The following COL5A3 variants were observed in gnomAD, a reference collection of about 807,000 sequenced individuals.
COL5A3 encodes the protein collagen type V alpha 3 chain.
Under a neutral mutation model 250.0 loss-of-function variants are expected in COL5A3, and 172 were observed. That is an observed-to-expected ratio of 0.69 (90% CI 0.61 to 0.78). COL5A3 has a LOEUF of 0.78. COL5A3 is among the 30% of genes least tolerant of loss of function. The pLI, the probability that COL5A3 is intolerant of heterozygous loss-of-function variation, is 0.00. For synonymous variants in COL5A3, 937 were observed against 900.4 expected (o/e 1.04, Z -0.73); for missense variants, 2,340 against 2,334.4 (o/e 1.00, Z -0.05).
intron 21 of COL5A3, 41 bp downstream of exon 21, chr19:9,992,786 C>CA (rs1599218408): frequency 6.2e-7 from 1 of 1,605,482 alleles, no homozygotes; most frequent in East Asian, 2.2e-5. Flanking sequence ...TCAAAACAAA[C>CA]AAAAAGACAG....
chr19:10,005,907 A>G lies in COL5A3; in HGVS notation c.326T>C (p.Ile109Thr), dbSNP rs2087435854. Residue 109 changes from isoleucine to threonine, a missense_variant, in exon 3 of 67, where the codon ATT becomes ACT. By Grantham distance (89) the Ile-to-Thr change is moderately conservative. Transcript: ENST00000264828. Reference sequence around the variant, plus strand: ...CTGCCGGGCACCCCTTTCATCATAAATGGACAGCAGGACAGACTGATTGGC... The same window carrying G: ...CTGCCGGGCACCCCTTTCATCATAAGTGGACAGCAGGACAGACTGATTGGC... The part of the protein sequence containing the change: ...QPANQSVLLS[I>T]YDERGARQLG... 1 of 1,614,056 alleles carries G rather than the reference A, an allele frequency of 6.2e-7. No individual in the cohort carries two copies. The highest frequency in any genetic ancestry group is 2.2e-5 in the East Asian group (1 of 44,878).
chr19:9,967,495 TCACACA>T, intron 61 of COL5A3, 95 bp from the exon 62 acceptor site: 2 of 773,616 alleles, frequency 2.6e-6, no homozygotes, highest in South Asian at 1.9e-5. Context: ...ACACACACAC[TCACACA>T]CACACAGTCT....
chr19:9,969,502 T>A, intron 56 of COL5A3, 73 bp downstream of exon 56: 1 of 1,593,860 alleles, frequency 6.3e-7, no homozygotes, highest in Non-Finnish European at 8.6e-7. Context: ...CAAACGGTGA[T>A]GGGATCACAA....
In COL5A3 at chr19:10,000,647, C is replaced by G. The variant is rs150405196; in HGVS notation, c.1110+877G>C. On this transcript the variant is annotated intron_variant, in intron 8 of 66. Transcript: ENST00000264828. ...GTCAGATCATGTTCCTTCACAAGTG[C>G]TCAAGTGGCATCTCCTGGTGCTTGG... Among the ~76,000 whole-genome samples the G allele has an allele frequency of 2.3e-3, 345 of 151,814 alleles. 1 individual carries two copies. Among genetic ancestry groups the G allele is most frequent in the African/African-American group, 8.1e-3 (337 of 41,440 alleles).
chr19:9,980,601 CTCACACACACACACAT>C (rs1198550741), intron 35 of COL5A3, 31 bp downstream of exon 35: 5 of 1,571,232 alleles, frequency 3.2e-6, no homozygotes, highest in Non-Finnish European at 3.4e-6. Context: ...ATCTCTCTCT[CTCACACACACACACAT>C]TCACACACAC....
rs1278914803 is a variant in COL5A3, at chr19:10,001,900, G to C, written c.850-19C>G. On this transcript the variant is annotated intron_variant, in intron 6 of 66. Transcript: ENST00000264828. ...TGGAGGTCTGGAGCAGGGATGGAGG[G>C]AGCCTTGGGTCTCGGGTGAGGGCAA... 6.3e-7 allele frequency: 1 copy of C among 1,581,046 alleles called. No individual in the cohort carries two copies. Among genetic ancestry groups the C allele is most frequent in the African/African-American group, 1.3e-5 (1 of 74,302 alleles).
In COL5A3 at chr19:9,969,942, G is replaced by A; in HGVS notation, c.3937-20C>T. ...AGGACCCTTGGAAGGGAAAGACAGT[G>A]AGGGGGGTCTAGGGGCTGACTGAGG... On this transcript the variant is annotated intron_variant, in intron 54 of 66. Transcript: ENST00000264828. 2.6e-6 allele frequency: 4 copies of A among 1,559,178 alleles called. No homozygotes were observed. The highest frequency in any genetic ancestry group is 3.5e-6 in the Non-Finnish European group (4 of 1,156,766).
chr19:10,003,419 G>C (rs949553316), intron 6 of COL5A3, 146 bp downstream of exon 6: 2 of 779,718 alleles, frequency 2.6e-6, no homozygotes, highest in Non-Finnish European at 4.1e-6. Flanking sequence ...TCATGGATCC[G>C]AGACCAGAGA....
rs1454808971 is a variant in COL5A3, at chr19:9,980,915, A to G, written c.2506-56T>C. The G allele has an allele frequency of 5.7e-6, 9 of 1,565,736 alleles. No homozygotes were observed. In the Admixed American group the frequency reaches 1.3e-4, roughly 22 times the overall value. ...ATGAGGGGGTGGGGGAGCCTGGGAG[A>G]TGAGACCAAGTCTTCCAGGTCCCCT... is the stretch of plus-strand genomic sequence containing the variant. On this transcript the variant is annotated intron_variant, in intron 33 of 66. Coordinates refer to ENST00000264828, the MANE Select transcript of COL5A3 (RefSeq NM_015719.4).
At position 9,978,635 on chromosome 19, in the gene COL5A3, A is replaced by G. The variant is rs769363098; in HGVS notation, c.2965-8T>C. 2.6e-6 allele frequency: 4 copies of G among 1,549,574 alleles called. No homozygotes were observed. In the East Asian group the frequency reaches 9.4e-5, roughly 36 times the overall value. ...CTTTAAGCCAGTAGGTCCCTGAAGG[A>G]GGAGATAATTCACAGTTAAGAGACT... On this transcript the variant is annotated splice_region_variant and splice_polypyrimidine_tract_variant and intron_variant, in intron 40 of 66. Transcript: ENST00000264828.
Position 9,996,116 on chromosome 19 carries a change from G to T in COL5A3, c.1483C>A (p.Leu495Ile), listed in dbSNP as rs544373080. The change falls in exon 15 of 67, where the codon CTC becomes ATC. Residue 495 changes from leucine (L) to isoleucine (I), a missense_variant. Coordinates refer to ENST00000264828, the MANE Select transcript of COL5A3 (RefSeq NM_015719.4). ...GLTGRPGPVG[L>I]PGHPGLKGEE... is the part of the protein sequence containing the mutation. ...CCTTTCAGACCTGGATGCCCGGGGA[G>T]ACCCTTGGGGGAGGAGAGATGGAGG... The T allele has an allele frequency of 7.4e-5, 117 of 1,579,318 alleles. 1 individual carries two copies. In the South Asian group the frequency reaches 1.3e-3, roughly 18 times the overall value.
At chr19:10,006,009 C>T in intron 2 of COL5A3, 24 bp from the exon 3 acceptor site, 1 of 1,611,314 alleles carries the variant, frequency 6.2e-7, no homozygotes, top group Non-Finnish European at 8.5e-7. Flanking sequence ...GGGAACAAGG[C>T]AGCTCAGAGG....
At chr19:9,998,231 T>TTCAC in intron 8 of COL5A3, 82 bp from the exon 9 acceptor site, 1 of 1,231,676 alleles carries the variant, frequency 8.1e-7, no homozygotes, top group Non-Finnish European at 1.1e-6. Context: ...CACACACACT[T>TTCAC]GCACACACAC....
intron 10 of COL5A3, among the ~76,000 whole-genome samples, chr19:9,997,770 AT>A (rs754739140): frequency 3.3e-5 from 5 of 152,068 alleles, no homozygotes; most frequent in Admixed American, 6.6e-5. Context: ...TTTTAAAAAA[AT>A]ATATGGCTAT....
intron 30 of COL5A3, 68 bp downstream of exon 30, chr19:9,986,240 AAAAGGGC>A: frequency 9.4e-7 from 1 of 1,069,316 alleles, no homozygotes; most frequent in Non-Finnish European, 1.3e-6. Flanking sequence ...AAGGTATAAT[AAAAGGGC>A]AAAGGGCAGA....
Position 10,010,329 on chromosome 19 carries a change from G to A in COL5A3, c.57C>T (p.Ala19=), listed in dbSNP as rs1344191386. The A allele has an allele frequency of 6.8e-7, 1 of 1,468,096 alleles. No homozygotes were observed. Among genetic ancestry groups the A allele is most frequent in the Non-Finnish European group, 9.0e-7 (1 of 1,106,402 alleles). 90.9% of individuals were successfully genotyped at this position (1,468,096 alleles called of 1,614,324 possible). A position where few individuals can be genotyped will look rare whatever the true frequency, so the allele number is the denominator to read the frequency against. ...QPRAGLCLLL[A]ALQLLPGTQA... is the part of the protein sequence containing the mutation. ...GCGTCCCCGGCAGAAGCTGCAGCGC[G>A]GCCAGGAGCAGGCAGAGACCGGCCC... The change falls in exon 1 of 67, where the codon GCC becomes GCT. Residue 19 remains alanine, a synonymous_variant. Transcript: ENST00000264828.
At chr19:9,995,929 C>G (rs1238997753) in intron 15 of COL5A3, 137 bp downstream of exon 15, 1 of 910,078 alleles carries the variant, frequency 1.1e-6, no homozygotes, top group African/African-American at 1.7e-5. Context: ...CAGATGTGAG[C>G]CACCATTCTC....
intron 65 of COL5A3, among the ~76,000 whole-genome samples, chr19:9,961,650 C>T (rs573115494): frequency 1.3e-3 from 204 of 151,846 alleles, no homozygotes; most frequent in Non-Finnish European, 2.5e-3. Context: ...GCTCCGCCTC[C>T]CGGGTTCACG....
intron 16 of COL5A3, among the ~76,000 whole-genome samples, chr19:9,994,034 T>C (rs2087235833): frequency 6.6e-6 from 1 of 152,004 alleles, no homozygotes. Flanking sequence ...TTTTTATATT[T>C]TTGGTAGAGA....
Sources: allele counts gnomAD v4.1 joint callset (sites outside exome capture counted in the v4.1 genomes callset), GRCh38; gene constraint gnomAD v4.1.1; transcripts MANE v1.5; gene names NCBI Gene and HGNC (gene_info 2026-07-23, HGNC 2026-07-21).